MAP4: variants seen among roughly 807,000 people sequenced by gnomAD.
The protein encoded by MAP4 is microtubule associated protein 4, also known as microtubule-associated protein 4.
A neutral mutation model predicts 170.2 loss-of-function variants in MAP4; 76 were observed. The observed-to-expected ratio is 0.45, with a 90% confidence interval of 0.37 to 0.54. The LOEUF is 0.54. Ranked by LOEUF, MAP4 falls within the 20% of genes least tolerant of loss-of-function variation. MAP4 has a pLI of 0.00. For synonymous variants in MAP4, 909 were observed against 994.5 expected, an observed-to-expected ratio of 0.91 and a Z score of 1.62; for missense variants, 2,506 against 2,748.0, an observed-to-expected ratio of 0.91 and a Z score of 1.97.
intron 1 of MAP4, among the ~76,000 whole-genome samples, chr3:48,049,595 G>A (rs1320509448): frequency 2.0e-5 from 3 of 151,722 alleles, no homozygotes; most frequent in Non-Finnish European, 4.4e-5. Flanking sequence ...CTCCAGCCAG[G>A]GTAACAGAGT....
Position 47,909,338 on chromosome 3 carries a change from CTGACTGGA to C in MAP4, c.5075_5082del (p.Ile1692ArgfsTer5). On this transcript the variant is annotated frameshift_variant, in exon 9 of 21. Coordinates refer to ENST00000683076, the MANE Select transcript of MAP4 (RefSeq NM_001385682.1). LOFTEE classifies it high-confidence loss of function. ...GCTTCGACTTTGCTATGTAAGAAAT[CTGACTGGA>C]TTTCTGGTGTTGGCAAGGAAACGCT... 6.2e-7 allele frequency: 1 copy of C among 1,613,974 alleles called. No individual in the cohort carries two copies. The highest frequency in any genetic ancestry group is 1.1e-5 in the South Asian group (1 of 91,084).
At chr3:47,937,473 A>G (rs759449397) in intron 3 of MAP4, among the ~76,000 whole-genome samples, 1 of 152,134 alleles carries the variant, frequency 6.6e-6, no homozygotes, top group Non-Finnish European at 1.5e-5. Context: ...GGATTAATAT[A>G]TTTGTCTTAG....
intron 1 of MAP4, chr3:48,039,172 T>C (rs1031386339): frequency 2.6e-5 from 4 of 152,114 alleles, no homozygotes; most frequent in Admixed American, 1.3e-4. Flanking sequence ...TTGAAAAATT[T>C]CAGTCCTGGT....
intron 1 of MAP4, among the ~76,000 whole-genome samples, chr3:48,078,311 A>AT (rs758589017): frequency 0.02 from 2,540 of 125,228 alleles, 44 homozygotes; most frequent in African/African-American, 0.027. Flanking sequence ...TGCCTGGCTA[A>AT]TTTTTTTTTT....
Position 47,916,332 on chromosome 3 carries a change from C to T in MAP4, c.1495G>A (p.Glu499Lys), listed in dbSNP as rs2100039056. 1 of 1,614,246 alleles carries T rather than the reference C, an allele frequency of 6.2e-7. No individual in the cohort carries two copies. The highest frequency in any genetic ancestry group is 8.5e-7 in the Non-Finnish European group (1 of 1,180,048). Residue 499 changes from glutamate to lysine, a missense_variant, in exon 7 of 21, where the codon GAA becomes AAA. This residue lies in a region of MAP4 where 2,008 missense variants were observed against 2,206.0 expected (regional missense o/e 0.91). Transcript: ENST00000683076. ...GACATGTCCTTCAACAAGCCCACTT[C>T]TTTTACTGTGGACGGAGCCACATCC... is the stretch of plus-strand genomic sequence containing the variant. The part of the protein sequence containing the change: ...AKDVAPSTVK[E>K]VGLLKDMSPL...
intron 6 of MAP4, 41 bp downstream of exon 6, chr3:47,918,678 C>G: frequency 6.6e-7 from 1 of 1,523,948 alleles, no homozygotes; most frequent in African/African-American, 1.4e-5. Flanking sequence ...ATTACCAATA[C>G]TGCAACCATT....
At chr3:48,028,589 A>T (rs1559818189) in intron 1 of MAP4, among the ~76,000 whole-genome samples, 1 of 152,028 alleles carries the variant, frequency 6.6e-6, no homozygotes, top group African/African-American at 2.4e-5. Flanking sequence ...CCTGGCCAAG[A>T]TGGTGAAACC....
intron 9 of MAP4, among the ~76,000 whole-genome samples, chr3:47,907,040 G>C (rs1432393763): frequency 6.6e-6 from 1 of 152,044 alleles, no homozygotes; most frequent in Non-Finnish European, 1.5e-5. Context: ...TCTCCACGTT[G>C]GTGAGGCTGG....
chr3:47,930,693 C>T (rs975460109), intron 3 of MAP4, among the ~76,000 whole-genome samples: 2 of 151,926 alleles, frequency 1.3e-5, no homozygotes, highest in African/African-American at 2.4e-5. Context: ...CTTTGGGAGG[C>T]CAAGGTGGGC....
In MAP4 at chr3:47,852,606, A is replaced by G. The variant is rs2044673122; in HGVS notation, c.*328T>C. 1.8e-5 allele frequency: 14 copies of G among 779,990 alleles called. No individual in the cohort carries two copies. The South Asian group carries it at 2.5e-4, about 14-fold the overall frequency. The allele number at this position is 779,990 out of a possible 1,614,324, so 48.3% of individuals were successfully genotyped here. Reference sequence around the variant, plus strand: ...TCCCAACTTAGCCTCAACCACCCCAACCCCCTCCCAACCTCCTCCACGGAG... The same window carrying G: ...TCCCAACTTAGCCTCAACCACCCCAGCCCCCTCCCAACCTCCTCCACGGAG... On this transcript the variant is annotated 3_prime_UTR_variant, in exon 21 of 21. Coordinates refer to ENST00000683076, the MANE Select transcript of MAP4 (RefSeq NM_001385682.1).
chr3:48,076,271 C>T (rs1460423648), intron 1 of MAP4, among the ~76,000 whole-genome samples: 1 of 150,676 alleles, frequency 6.6e-6, no homozygotes, highest in Non-Finnish European at 1.5e-5. Flanking sequence ...CCGAGGTGGG[C>T]AGATCATGAG....
intron 1 of MAP4, among the ~76,000 whole-genome samples, chr3:48,058,299 GGCCGGCTGGCCA>G (rs2100133349): frequency 6.6e-6 from 1 of 152,184 alleles, no homozygotes; most frequent in Non-Finnish European, 1.5e-5. Context: ...GAGGCCAGTA[GGCCGGCTGGCCA>G]GCCTGCGAGG....
chr3:47,961,954 C>A (rs1375620610), intron 3 of MAP4, among the ~76,000 whole-genome samples: 1 of 152,192 alleles, frequency 6.6e-6, no homozygotes, highest in Non-Finnish European at 1.5e-5. Context: ...GGAACAAGAT[C>A]TGGCTGAAAC....
At chr3:47,885,367 CATCAATCAATCA>C (rs71070239) in intron 10 of MAP4, among the ~76,000 whole-genome samples, 14,560 of 150,408 alleles carry the variant, frequency 0.097, 2,353 homozygotes, top group African/African-American at 0.33. Context: ...CCATCTCTAC[CATCAATCAATCA>C]ATCAATCAAT....
Position 47,932,824 on chromosome 3 carries a change from T to C in MAP4, c.293-4474A>G, listed in dbSNP as rs1284815868. Among the ~76,000 whole-genome samples the C allele has an allele frequency of 3.9e-5, 6 of 152,334 alleles. No homozygotes were observed. In the East Asian group the frequency reaches 9.6e-4, roughly 24 times the overall value. On this transcript the variant is annotated intron_variant, in intron 3 of 20. Transcript: ENST00000683076. ...ATACTGCCTTGCAGCCTCAAACTCC[T>C]GGGCTCAAGTAATCCTCTTGCCTCT... is the stretch of plus-strand genomic sequence containing the variant.
chr3:48,008,856 T>G (rs901477245), intron 1 of MAP4, among the ~76,000 whole-genome samples: 1 of 152,162 alleles, frequency 6.6e-6, no homozygotes, highest in Non-Finnish European at 1.5e-5. Context: ...CTACGGCCAC[T>G]GCTGAGTGCC....
intron 2 of MAP4, among the ~76,000 whole-genome samples, chr3:47,983,187 G>A (rs1006296397): frequency 6.6e-5 from 10 of 152,132 alleles, no homozygotes; most frequent in African/African-American, 2.4e-4. Context: ...TTACAGGCAT[G>A]AGCCATGGCA....
In MAP4 at chr3:47,916,838, G is replaced by A; in HGVS notation, c.989C>T (p.Ser330Leu). ...TGTGGGCAGTACCACATTCTTGGCT[G>A]AAGATACATCTGTTTCTGTGGGCCA... ...VRWPTETDVSSAKNVVLPTET... is the reference protein window; with the variant it reads ...VRWPTETDVSLAKNVVLPTET... The change falls in exon 7 of 21, where the codon TCA becomes TTA. Residue 330 changes from serine (S) to leucine (L), a missense_variant. Coordinates refer to ENST00000683076, the MANE Select transcript of MAP4 (RefSeq NM_001385682.1). The A allele has an allele frequency of 6.2e-7, 1 of 1,614,212 alleles. No homozygotes were observed. Among genetic ancestry groups the A allele is most frequent in the Non-Finnish European group, 8.5e-7 (1 of 1,180,038 alleles).
chr3:47,891,849 G>A, intron 10 of MAP4: 1 of 1,536,172 alleles, frequency 6.5e-7, no homozygotes, highest in Non-Finnish European at 8.7e-7. Flanking sequence ...CCAATCACTG[G>A]GCAGCCAGGG....
Sources: gnomAD v4.1 joint callset for allele counts (sites outside exome capture counted in the v4.1 genomes callset) on GRCh38, gnomAD v4.1.1 for gene constraint, gnomAD v4.1.1 regional missense constraint, MANE v1.5 for transcripts, NCBI Gene and HGNC (gene_info 2026-07-23, HGNC 2026-07-21) for gene names.